The following WDR64 variants were observed in gnomAD, a reference collection of about 807,000 sequenced individuals.
WDR64 encodes the protein WD repeat-containing protein 64.
WDR64 carries 112 observed loss-of-function variants against 139.3 expected under a neutral mutation model. That is an observed-to-expected ratio of 0.80 (90% CI 0.69 to 0.94). WDR64 has a LOEUF of 0.94. Among genes scored for constraint, WDR64 ranks in the 40% least tolerant of loss-of-function variants. The pLI is 0.00. For synonymous variants in WDR64, 444 were observed against 437.7 expected (o/e 1.01, Z -0.18); for missense variants, 1,206 against 1,293.1 (o/e 0.93, Z 1.03).
rs76625813 is a variant in WDR64, at chr1:241,668,213, A to T, written c.277-2861A>T. On this transcript the variant is annotated intron_variant, in intron 2 of 27. Transcript: ENST00000437684. ...TGTTGAAGATTCTGGGGAAAGTAAA[A>T]GAAGACACCCTTTGAGCTGGGCGCG... Among the ~76,000 whole-genome samples, 1,459 of 152,326 alleles carry T rather than the reference A, an allele frequency of 9.6e-3. 22 individuals carry two copies. The highest frequency in any genetic ancestry group is 0.034 in the African/African-American group (1,398 of 41,580).
intron 22 of WDR64, 22 bp downstream of exon 22, chr1:241,780,084 T>C: frequency 6.4e-7 from 1 of 1,573,986 alleles, no homozygotes; most frequent in Non-Finnish European, 8.6e-7. Flanking sequence ...AGTTTTCCAC[T>C]TTAATTTATG....
At chr1:241,673,180 A>C (rs538542019) in intron 3 of WDR64, among the ~76,000 whole-genome samples, 42 of 128,396 alleles carry the variant, frequency 3.3e-4, no homozygotes, top group African/African-American at 1.1e-3. Flanking sequence ...CACACCAGGG[A>C]CTGTTGTGGG....
intron 16 of WDR64, 52 bp from the exon 17 acceptor site, chr1:241,769,352 A>G: frequency 7.2e-7 from 1 of 1,396,238 alleles, no homozygotes; most frequent in Non-Finnish European, 9.9e-7. Context: ...TTAGTACTGT[A>G]AGCTCCATAA....
At chr1:241,668,072 G>A (rs1379073816) in intron 2 of WDR64, among the ~76,000 whole-genome samples, 1 of 152,188 alleles carries the variant, frequency 6.6e-6, no homozygotes, top group African/African-American at 2.4e-5. Flanking sequence ...ATAGGACGCA[G>A]GTTTACTGTA....
At chr1:241,785,775 G>T (rs2148322293) in intron 23 of WDR64, among the ~76,000 whole-genome samples, 1 of 152,282 alleles carries the variant, frequency 6.6e-6, no homozygotes, top group South Asian at 2.1e-4. Flanking sequence ...TTGTCAAAAA[G>T]ATGAGATTTT....
chr1:241,778,776 A>G (rs1469595060), intron 21 of WDR64, among the ~76,000 whole-genome samples: 2 of 152,168 alleles, frequency 1.3e-5, no homozygotes, highest in African/African-American at 4.8e-5. Context: ...TTTGTATCTT[A>G]TAATACCAAA....
In WDR64 at chr1:241,711,766, AATATATATGTTTT is replaced by A; in HGVS notation, c.975-35_975-23del. ...AGTCAGAATTAACTTGATAAAGAAA[AATATATATGTTTT>A]CCATCTAATTTGTGTTTTCCAGGCC... On this transcript the variant is annotated intron_variant, in intron 8 of 27. Coordinates refer to ENST00000437684, the MANE Select transcript of WDR64 (RefSeq NM_001367482.1). The A allele has an allele frequency of 1.9e-6, 3 of 1,599,280 alleles. No individual in the cohort carries two copies. The South Asian group carries it at 3.3e-5, about 18-fold the overall frequency.
chr1:241,792,196 T>C (rs1659231499), intron 25 of WDR64, among the ~76,000 whole-genome samples: 1 of 152,166 alleles, frequency 6.6e-6, no homozygotes, highest in Non-Finnish European at 1.5e-5. Context: ...ATCTATAACC[T>C]CTTCCATCTG....
At chr1:241,784,976 A>AAAAAAAAAAAAAAAAAAAT in intron 23 of WDR64, among the ~76,000 whole-genome samples, 1 of 98,472 alleles carries the variant, frequency 1.0e-5, no homozygotes, top group African/African-American at 3.6e-5. Context: ...AAAAAAAAAA[A>AAAAAAAAAAAAAAAAAAAT]GAAAGGACAT....
At chr1:241,730,559 A>T (rs1173845354) in intron 10 of WDR64, among the ~76,000 whole-genome samples, 2 of 152,202 alleles carry the variant, frequency 1.3e-5, no homozygotes, top group African/African-American at 4.8e-5. Context: ...CCCTAAGGTA[A>T]CTATCTGGGT....
intron 3 of WDR64, among the ~76,000 whole-genome samples, chr1:241,674,246 CT>C (rs1251310495): frequency 1.2e-5 from 1 of 83,212 alleles, no homozygotes; most frequent in Non-Finnish European, 2.8e-5. Context: ...GGCTGTTTAT[CT>C]TTTTTTTTCT....
In WDR64 at chr1:241,749,736, C is replaced by A; in HGVS notation, c.1770+14C>A. On this transcript the variant is annotated intron_variant, in intron 14 of 27. Coordinates refer to ENST00000437684, the MANE Select transcript of WDR64 (RefSeq NM_001367482.1). Reference sequence around the variant, plus strand: ...AAAATGATCCAGGTTTACAATCCCACTTCATACTCGTACTGCAGGTGCCCT... The same window carrying A: ...AAAATGATCCAGGTTTACAATCCCAATTCATACTCGTACTGCAGGTGCCCT... The A allele has an allele frequency of 6.2e-7, 1 of 1,607,922 alleles. No homozygotes were observed. Among genetic ancestry groups the A allele is most frequent in the South Asian group, 1.1e-5 (1 of 90,744 alleles).
intron 8 of WDR64, among the ~76,000 whole-genome samples, chr1:241,694,789 T>A (rs1558476362): frequency 6.6e-6 from 1 of 152,192 alleles, no homozygotes; most frequent in Non-Finnish European, 1.5e-5. Flanking sequence ...ACCAGGGTGA[T>A]TACAGCAACT....
intron 3 of WDR64, among the ~76,000 whole-genome samples, chr1:241,672,825 A>G (rs749898428): frequency 6.6e-6 from 1 of 152,032 alleles, no homozygotes; most frequent in African/African-American, 2.4e-5. Flanking sequence ...CATTTCAGGT[A>G]GTGGGGAGAG....
intron 27 of WDR64, among the ~76,000 whole-genome samples, chr1:241,799,223 A>AAAAAT: frequency 7.6e-6 from 1 of 131,598 alleles, no homozygotes; most frequent in African/African-American, 2.8e-5. Context: ...AAAAAAAAAA[A>AAAAAT]TACAAAAATT....
intron 21 of WDR64, among the ~76,000 whole-genome samples, chr1:241,776,689 G>C (rs552571405): frequency 6.6e-6 from 1 of 152,082 alleles, no homozygotes; most frequent in African/African-American, 2.4e-5. Flanking sequence ...GTCAAATTTT[G>C]TTGCTTTCTA....
At chr1:241,663,813 A>C (rs1387960528) in intron 2 of WDR64, among the ~76,000 whole-genome samples, 3 of 152,264 alleles carry the variant, frequency 2.0e-5, no homozygotes, top group African/African-American at 7.2e-5. Flanking sequence ...AGATTACAGA[A>C]TATGTCCATC....
At chr1:241,663,872 T>C (rs1191055915) in intron 2 of WDR64, among the ~76,000 whole-genome samples, 1 of 152,278 alleles carries the variant, frequency 6.6e-6, no homozygotes, top group Non-Finnish European at 1.5e-5. Context: ...CATAGGCCCC[T>C]TGGCCTGGGC....
chr1:241,774,845 G>A (rs1016018845), intron 20 of WDR64, among the ~76,000 whole-genome samples: 2 of 152,188 alleles, frequency 1.3e-5, no homozygotes, highest in African/African-American at 4.8e-5. Context: ...ACAATCCCAA[G>A]TGTAGAACAG....
Sources: gnomAD v4.1 joint callset for allele counts (sites outside exome capture counted in the v4.1 genomes callset) on GRCh38, gnomAD v4.1.1 for gene constraint, MANE v1.5 for transcripts, NCBI Gene and HGNC (gene_info 2026-07-23, HGNC 2026-07-21) for gene names.